The following KANK1 variants were observed in gnomAD, a reference collection of about 807,000 sequenced individuals.
The protein encoded by KANK1 is KN motif and ankyrin repeat domain-containing protein 1.
A neutral mutation model predicts 106.2 loss-of-function variants in KANK1; 109 were observed. That is an observed-to-expected ratio of 1.03 (90% CI 0.88 to 1.20). The LOEUF is 1.20. Among genes scored for constraint, KANK1 ranks in the 50% most tolerant of loss-of-function variants. The pLI, the probability that KANK1 is intolerant of heterozygous loss-of-function variation, is 0.00. For synonymous variants in KANK1, 873 were observed against 652.2 expected (o/e 1.34, Z -5.16); for missense variants, 2,399 against 1,710.7 (o/e 1.40, Z -7.10).
At chr9:580,851 G>C (rs559477031) in intron 1 of KANK1, among the ~76,000 whole-genome samples, 1 of 152,208 alleles carries the variant, frequency 6.6e-6, no homozygotes, top group Non-Finnish European at 1.5e-5. Context: ...CTTGGGCTGC[G>C]CTGGAGCCCA....
chr9:640,069 T>C (rs924835017), intron 1 of KANK1, among the ~76,000 whole-genome samples: 1 of 152,136 alleles, frequency 6.6e-6, no homozygotes, highest in Admixed American at 6.5e-5. Context: ...CAGACCTCGT[T>C]GTACTCAGCT....
chr9:533,092 T>C (rs959153805), intron 1 of KANK1, among the ~76,000 whole-genome samples: 1 of 152,138 alleles, frequency 6.6e-6, no homozygotes, highest in Non-Finnish European at 1.5e-5. Flanking sequence ...GCCAGTGCCA[T>C]GGAGATATTG....
chr9:555,111 C>A (rs1033313742), intron 1 of KANK1, among the ~76,000 whole-genome samples: 5 of 152,198 alleles, frequency 3.3e-5, no homozygotes, highest in African/African-American at 1.2e-4. Context: ...TTGAGAACAA[C>A]TAATAAGTCA....
intron 1 of KANK1, among the ~76,000 whole-genome samples, chr9:631,894 A>G (rs1393143880): frequency 3.3e-5 from 5 of 152,238 alleles, no homozygotes; most frequent in Middle Eastern, 6.8e-3. Flanking sequence ...TTCACATACC[A>G]GTTTGGGTTA....
intron 6 of KANK1, chr9:734,534 T>G: frequency 2.4e-6 from 1 of 423,676 alleles, no homozygotes. Flanking sequence ...GGCCTGGTGG[T>G]GCACACCTGT....
At chr9:595,514 T>TTTTTTTC (rs971137382) in intron 1 of KANK1, among the ~76,000 whole-genome samples, 7 of 151,782 alleles carry the variant, frequency 4.6e-5, no homozygotes, top group Non-Finnish European at 7.4e-5. Context: ...TACATAAGAA[T>TTTTTTTC]TTTTTTCTTT....
chr9:738,006 G>T (rs142605241), intron 7 of KANK1, among the ~76,000 whole-genome samples: 1 of 152,196 alleles, frequency 6.6e-6, no homozygotes, highest in Non-Finnish European at 1.5e-5. Flanking sequence ...AGGTAGCAGA[G>T]CCTGCATTTG....
intron 2 of KANK1, among the ~76,000 whole-genome samples, chr9:683,500 T>C (rs758899561): frequency 2.0e-5 from 3 of 152,200 alleles, no homozygotes; most frequent in Non-Finnish European, 2.9e-5. Flanking sequence ...CTCACACAGC[T>C]AATGACTAAG....
At position 730,080 on chromosome 9, in the gene KANK1, G is replaced by C; in HGVS notation, c.2728G>C (p.Gly910Arg). ...TTATTTGGGATATACCTGTAAGTGT[G>C]GGGGCCTTCAGTCAGGAAGTCCCTT... ...GNYLGYTCKCGGLQSGSPLSS... is the reference protein window; with the variant it reads ...GNYLGYTCKCRGLQSGSPLSS... The change falls in exon 4 of 12, where the codon GGG becomes CGG. Residue 910 changes from glycine (G) to arginine (R), a missense_variant. Transcript: ENST00000382297. The C allele has an allele frequency of 6.2e-7, 1 of 1,614,072 alleles. No individual in the cohort carries two copies. Among genetic ancestry groups the C allele is most frequent in the Non-Finnish European group, 8.5e-7 (1 of 1,179,968 alleles).
chr9:730,324 T>A, intron 4 of KANK1, 76 bp downstream of exon 4: 1 of 1,384,840 alleles, frequency 7.2e-7, no homozygotes, highest in Non-Finnish European at 1.0e-6. Context: ...TTAATGTCAA[T>A]GTACCTTTTA....
chr9:518,103 G>C (rs12345892), intron 1 of KANK1, among the ~76,000 whole-genome samples: 25,513 of 151,510 alleles, frequency 0.17, 7,498 homozygotes, highest in African/African-American at 0.59. Context: ...GTGGAAAAAA[G>C]TGTCACTCTT....
chr9:499,713 G>C (rs939311177), upstream of KANK1, among the ~76,000 whole-genome samples: 1 of 152,156 alleles, frequency 6.6e-6, no homozygotes, highest in South Asian at 2.1e-4. Flanking sequence ...ACCCTTTTGG[G>C]GACTTTTGGT....
chr9:672,622 A>G (rs1342419592), intron 1 of KANK1, among the ~76,000 whole-genome samples: 1 of 152,198 alleles, frequency 6.6e-6, no homozygotes, highest in Non-Finnish European at 1.5e-5. Context: ...GCTAGAGTAT[A>G]TATCAAATCT....
intron 2 of KANK1, among the ~76,000 whole-genome samples, chr9:706,617 GA>G (rs1435566179): frequency 1.3e-5 from 2 of 150,042 alleles, no homozygotes; most frequent in African/African-American, 2.5e-5. Flanking sequence ...TTCGTATCTG[GA>G]AAAAGGTTTG....
At chr9:648,758 C>G (rs1446460138) in intron 1 of KANK1, among the ~76,000 whole-genome samples, 1 of 152,132 alleles carries the variant, frequency 6.6e-6, no homozygotes, top group Non-Finnish European at 1.5e-5. Context: ...TGAAGCTTAT[C>G]TAAGACAATG....
At chr9:730,342 C>T (rs1162879528) in intron 4 of KANK1, 94 bp downstream of exon 4, 1 of 1,265,862 alleles carries the variant, frequency 7.9e-7, no homozygotes, top group Non-Finnish European at 1.1e-6. Context: ...TTAAATTGAC[C>T]TGGAAGAAAG....
chr9:677,146 A>C, intron 2 of KANK1, 137 bp downstream of exon 2: 1 of 770,932 alleles, frequency 1.3e-6, no homozygotes, highest in South Asian at 1.9e-5. Flanking sequence ...TGTCCATTGA[A>C]GTTTGGGTTT....
At chr9:560,676 T>C (rs555744830) in intron 1 of KANK1, among the ~76,000 whole-genome samples, 3 of 152,304 alleles carry the variant, frequency 2.0e-5, no homozygotes, top group South Asian at 4.1e-4. Flanking sequence ...CATGATATTC[T>C]AGTTTGAGAA....
rs1277563251 is a variant in KANK1 at position 707,517 on chromosome 9, GT to G, written c.38-3285del. Among the ~76,000 whole-genome samples the G allele has an allele frequency of 4.4e-5, 6 of 136,930 alleles. No homozygotes were observed. In the Admixed American group the frequency reaches 4.4e-4, roughly 10 times the overall value. The allele number at this position is 136,930 out of a possible 152,430, so 89.8% of individuals were successfully genotyped here. On this transcript the variant is annotated intron_variant, in intron 2 of 11. Coordinates refer to ENST00000382297, the MANE Select transcript of KANK1 (RefSeq NM_015158.5). ...GTCTGGCTGCTGCAGCTTCTCTCCTGTTAATGGAGTTTCAGACAGTCCTGGA... is the reference window on the plus strand; with the variant it reads ...GTCTGGCTGCTGCAGCTTCTCTCCTGTAATGGAGTTTCAGACAGTCCTGGA...
Sources: allele counts gnomAD v4.1 joint callset (sites outside exome capture counted in the v4.1 genomes callset), GRCh38; gene constraint gnomAD v4.1.1; transcripts MANE v1.5; gene names NCBI Gene and HGNC (gene_info 2026-07-23, HGNC 2026-07-21).